GALK2: variants seen among roughly 807,000 people sequenced by gnomAD.
GALK2 encodes the protein N-acetylgalactosamine kinase.
In GALK2, 36 loss-of-function variants were observed where a neutral mutation model predicts 52.4. The observed-to-expected ratio is 0.69, with a 90% confidence interval of 0.53 to 0.91. The LOEUF (loss-of-function observed/expected upper bound fraction) is 0.91, where lower values mean the gene tolerates loss of function less well. GALK2 is among the 40% of genes least tolerant of loss of function. GALK2 has a pLI of 0.00. For missense variants in GALK2, 579 were observed against 559.1 expected, an observed-to-expected ratio of 1.04 and a Z score of -0.36; for synonymous variants, 176 against 199.1, an observed-to-expected ratio of 0.88 and a Z score of 0.98.
chr15:49,205,652 C>T (rs478500), intron 2 of GALK2, among the ~76,000 whole-genome samples: 127,733 of 152,160 alleles, frequency 0.84, 54,746 homozygotes, highest in Non-Finnish European at 0.93. Context: ...GATGTATAGA[C>T]TGTGAAGATT....
Position 49,263,592 on chromosome 15 carries a change from G to T in GALK2, c.505-18395G>T, listed in dbSNP as rs996108412. Among the ~76,000 whole-genome samples, 211 of 118,098 alleles carry T rather than the reference G, an allele frequency of 1.8e-3. 19 individuals carry two copies. Among genetic ancestry groups the T allele is most frequent in the African/African-American group, 7.1e-3 (197 of 27,894 alleles). The allele number at this position is 118,098 out of a possible 152,430, so 77.5% of individuals were successfully genotyped here. On this transcript the variant is annotated intron_variant, in intron 5 of 9. Coordinates refer to ENST00000560031, the MANE Select transcript of GALK2 (RefSeq NM_002044.4). ...ACATTTAAAGTTAATATTGTTATAT[G>T]TGAATTTGATCCTGTCATTATGATG... is the stretch of plus-strand genomic sequence containing the variant.
chr15:49,234,001 T>C lies in GALK2; in HGVS notation c.267-1850T>C, dbSNP rs144093503. Among the ~76,000 whole-genome samples the C allele has an allele frequency of 5.0e-3, 756 of 152,318 alleles. 9 individuals are homozygous for C. The highest frequency in any genetic ancestry group is 0.017 in the African/African-American group (715 of 41,566). On this transcript the variant is annotated intron_variant, in intron 3 of 9. Coordinates refer to ENST00000560031, the MANE Select transcript of GALK2 (RefSeq NM_002044.4). ...TGCTTAAGTGGTTAGCCACTTAATA[T>C]ATTTTAAAAGAGATAATGTATCCAT...
At chr15:49,224,480 A>G (rs902377739) in intron 3 of GALK2, among the ~76,000 whole-genome samples, 1 of 152,140 alleles carries the variant, frequency 6.6e-6, no homozygotes, top group African/African-American at 2.4e-5. Flanking sequence ...TAAATCTTTT[A>G]TCCATCTTGA....
chr15:49,296,960 G>T (rs1192442244), intron 8 of GALK2, among the ~76,000 whole-genome samples: 1 of 152,182 alleles, frequency 6.6e-6, no homozygotes, highest in African/African-American at 2.4e-5. Flanking sequence ...TAATGGGATT[G>T]CTGAGTTGAA....
intron 9 of GALK2, among the ~76,000 whole-genome samples, chr15:49,324,284 C>T (rs1440670156): frequency 5.3e-5 from 8 of 151,788 alleles, no homozygotes; most frequent in African/African-American, 1.9e-4. Context: ...CATGGTGAGG[C>T]TGCTCAGCCT....
At chr15:49,170,243 T>A (rs1346200803), upstream of GALK2, 26 of 1,540,958 alleles carry the variant, frequency 1.7e-5, no homozygotes, top group Non-Finnish European at 2.3e-5. Flanking sequence ...AAACGGCTCC[T>A]GTCACAGAAG....
chr15:49,303,904 G>A (rs1265315859), intron 8 of GALK2, among the ~76,000 whole-genome samples: 1 of 152,220 alleles, frequency 6.6e-6, no homozygotes. Context: ...ATGTATTTAA[G>A]TCTAAGGAAA....
intron 3 of GALK2, among the ~76,000 whole-genome samples, chr15:49,356,994 T>C (rs2043270588): frequency 6.6e-6 from 1 of 150,516 alleles, no homozygotes; most frequent in East Asian, 2.0e-4. Context: ...ACTGGGTACA[T>C]AACGAAATGA....
intron 3 of GALK2, among the ~76,000 whole-genome samples, chr15:49,346,799 A>T (rs1296192973): frequency 6.6e-6 from 1 of 152,188 alleles, no homozygotes; most frequent in Admixed American, 6.5e-5. Flanking sequence ...CCTACTTTAT[A>T]CACTAGAATG....
At chr15:49,223,859 T>C (rs539751531) in intron 3 of GALK2, among the ~76,000 whole-genome samples, 1 of 152,248 alleles carries the variant, frequency 6.6e-6, no homozygotes, top group Non-Finnish European at 1.5e-5. Flanking sequence ...TATGAGTGCA[T>C]GTGTCTTTTT....
intron 5 of GALK2, among the ~76,000 whole-genome samples, chr15:49,245,173 TA>T (rs1330809542): frequency 6.6e-6 from 1 of 152,128 alleles, no homozygotes; most frequent in Admixed American, 6.5e-5. Flanking sequence ...GTAAGAGAGC[TA>T]AAATCCTCAC....
chr15:49,155,841 C>A (rs757398343), exon 1 of GALK2: 1 of 834,896 alleles, frequency 1.2e-6, no homozygotes, highest in Non-Finnish European at 1.9e-6. Flanking sequence ...AGGTCTCAGC[C>A]GAAGGGCGTC....
chr15:49,289,451 C>T (rs1334295219), intron 7 of GALK2, among the ~76,000 whole-genome samples: 2 of 152,174 alleles, frequency 1.3e-5, no homozygotes, highest in African/African-American at 4.8e-5. Flanking sequence ...CTCTACCATA[C>T]CCTCTTACCA....
At chr15:49,272,937 C>T (rs1184699613) in intron 5 of GALK2, among the ~76,000 whole-genome samples, 3 of 152,116 alleles carry the variant, frequency 2.0e-5, no homozygotes, top group African/African-American at 7.2e-5. Flanking sequence ...TTTCTCTTGT[C>T]GACAAGTCTG....
chr15:49,352,991 G>A (rs766003966), intron 3 of GALK2, among the ~76,000 whole-genome samples: 2 of 152,146 alleles, frequency 1.3e-5, no homozygotes, highest in Non-Finnish European at 2.9e-5. Context: ...TCTTTTAGGG[G>A]ACTATGCACA....
At chr15:49,347,042 AC>A (rs2041608204) in intron 3 of GALK2, among the ~76,000 whole-genome samples, 1 of 152,222 alleles carries the variant, frequency 6.6e-6, no homozygotes, top group Non-Finnish European at 1.5e-5. Context: ...TTGGAATCTT[AC>A]CCAGATTCTA....
chr15:49,198,752 G>A lies in GALK2; in HGVS notation c.54-2410G>A, dbSNP rs561037437. Reference sequence around the variant, plus strand: ...GGTGGACTTTTTCTTTCTAGTAGTAGTTTTAGATTAATCTTAGTTTTGGTG... The same window carrying A: ...GGTGGACTTTTTCTTTCTAGTAGTAATTTTAGATTAATCTTAGTTTTGGTG... On this transcript the variant is annotated intron_variant, in intron 1 of 9. Coordinates refer to ENST00000560031, the MANE Select transcript of GALK2 (RefSeq NM_002044.4). The A allele has an allele frequency of 6.0e-5, 9 of 151,174 alleles. No individual in the cohort carries two copies. The East Asian group carries it at 1.8e-3, about 29-fold the overall frequency. The allele number at this position is 151,174 out of a possible 1,614,324, so 9.4% of individuals were successfully genotyped here. A position where few individuals can be genotyped will look rare whatever the true frequency, so the allele number is the denominator to read the frequency against.
chr15:49,173,036 G>T (rs1208235758), intron 1 of GALK2, among the ~76,000 whole-genome samples: 1 of 152,258 alleles, frequency 6.6e-6, no homozygotes, highest in East Asian at 1.9e-4. Flanking sequence ...CCATCCCTTA[G>T]ATTATCACAC....
At position 49,329,727 on chromosome 15, in the gene GALK2, T is replaced by C. The variant is rs2038235525; in HGVS notation, c.*1568T>C. 1.0e-6 allele frequency: 1 copy of C among 973,130 alleles called. No homozygotes were observed. 60.3% of individuals were successfully genotyped at this position (973,130 alleles called of 1,614,324 possible). A position where few individuals can be genotyped will look rare whatever the true frequency, so the allele number is the denominator to read the frequency against. On this transcript the variant is annotated 3_prime_UTR_variant, in exon 10 of 10. Coordinates refer to ENST00000560031, the MANE Select transcript of GALK2 (RefSeq NM_002044.4). ...CTGAATTTATTTAAATTTATAATCCTTTATTTTTTAATACCGTGCCATTTT... is the reference window on the plus strand; with the variant it reads ...CTGAATTTATTTAAATTTATAATCCCTTATTTTTTAATACCGTGCCATTTT...
Sources: gnomAD v4.1 joint callset for allele counts (sites outside exome capture counted in the v4.1 genomes callset) on GRCh38, gnomAD v4.1.1 for gene constraint, MANE v1.5 for transcripts, NCBI Gene and HGNC (gene_info 2026-07-23, HGNC 2026-07-21) for gene names.